MYOM1: variants seen among roughly 807,000 people sequenced by gnomAD.
MYOM1 encodes the protein myomesin-1.
A neutral mutation model predicts 205.3 loss-of-function variants in MYOM1; 164 were observed. The observed-to-expected ratio is 0.80, with a 90% CI of 0.70 to 0.91. The LOEUF is 0.91. Among genes scored for constraint, MYOM1 ranks in the 40% least tolerant of loss-of-function variants. The pLI, the probability that MYOM1 is intolerant of heterozygous loss-of-function variation, is 0.00. For missense variants in MYOM1, 2,011 were observed against 2,127.3 expected (o/e 0.95, Z 1.08); for synonymous variants, 772 against 789.4 (o/e 0.98, Z 0.37).
intron 8 of MYOM1, 30 bp downstream of exon 8, chr18:3,173,908 G>C: frequency 6.3e-7 from 1 of 1,584,122 alleles, no homozygotes; most frequent in Non-Finnish European, 8.7e-7. Flanking sequence ...ACATAGAGGT[G>C]ACACTTAGTA....
chr18:3,152,844 T>C lies in MYOM1; in HGVS notation c.1644-951A>G, dbSNP rs1567937136. 1.3e-5 allele frequency among the ~76,000 whole-genome samples: 2 copies of C among 152,156 alleles called. No homozygotes were observed. The highest frequency in any genetic ancestry group is 2.9e-5 in the Non-Finnish European group (2 of 68,030). On this transcript the variant is annotated intron_variant, in intron 11 of 37. Transcript: ENST00000356443. This position sits in a 1 kb window ranked among gnomAD's most constrained non-coding sequence, Gnocchi z 4.3. ...GGTGTGGGGGGTGTATCTCCCCTCC[T>C]CACAATCACCTTCCTCTCTTTGATA...
At chr18:3,195,246 A>C (rs2080978855) in intron 2 of MYOM1, among the ~76,000 whole-genome samples, 1 of 152,236 alleles carries the variant, frequency 6.6e-6, no homozygotes, top group Non-Finnish European at 1.5e-5. Context: ...GAAATGGCCA[A>C]ACTCTTCCTT....
At chr18:3,229,582 T>TATA in the MYOM1 span, among the ~76,000 whole-genome samples, 1 of 152,244 alleles carries the variant, frequency 6.6e-6, no homozygotes, top group African/African-American at 2.4e-5. Context: ...TAGGCTAATG[T>TATA]ATAATGTCAT....
At chr18:3,221,085 G>A (rs2081325006), upstream of MYOM1, among the ~76,000 whole-genome samples, 1 of 152,054 alleles carries the variant, frequency 6.6e-6, no homozygotes, top group Non-Finnish European at 1.5e-5. Context: ...CAGTGGTGCA[G>A]TCTTGGCTCA....
intron 22 of MYOM1, among the ~76,000 whole-genome samples, chr18:3,106,467 GC>G (rs1472553588): frequency 6.6e-6 from 1 of 152,162 alleles, no homozygotes; most frequent in Non-Finnish European, 1.5e-5. Context: ...ATGGGATCAT[GC>G]ATACTTTTTA....
intron 27 of MYOM1, among the ~76,000 whole-genome samples, chr18:3,090,354 G>T (rs967020876): frequency 6.6e-6 from 1 of 151,502 alleles, no homozygotes; most frequent in African/African-American, 2.4e-5. Flanking sequence ...CAAGTAGCTG[G>T]GACTACAGGT....
At chr18:3,201,208 G>A (rs150231519) in intron 2 of MYOM1, among the ~76,000 whole-genome samples, 304 of 152,230 alleles carry the variant, frequency 2.0e-3, no homozygotes, top group African/African-American at 6.6e-3. Context: ...AGACCAGCCT[G>A]TCCAACATGG....
At chr18:3,088,822 GA>G (rs1315225109) in intron 29 of MYOM1, among the ~76,000 whole-genome samples, 1 of 152,146 alleles carries the variant, frequency 6.6e-6, no homozygotes, top group Non-Finnish European at 1.5e-5. Context: ...CAAGGTCCAC[GA>G]AACATTGCAG....
At chr18:3,118,838 T>C (rs554936720) in intron 20 of MYOM1, among the ~76,000 whole-genome samples, 7 of 152,260 alleles carry the variant, frequency 4.6e-5, no homozygotes, top group African/African-American at 1.7e-4. Context: ...CTCTCTCTAT[T>C]TGCTGAAGTC....
chr18:3,157,861 C>G (rs1007508806), intron 10 of MYOM1, among the ~76,000 whole-genome samples: 1 of 151,828 alleles, frequency 6.6e-6, no homozygotes, highest in Non-Finnish European at 1.5e-5. Flanking sequence ...CCACAGCACC[C>G]TTCAGACAAC....
rs1372138865 is a variant in MYOM1 at position 3,090,812 on chromosome 18, G to A, written c.3865-10C>T. The stretch of plus-strand genomic sequence containing the variant: ...TATGCATTTTATATTTCTTCAGTGT[G>A]AAAAGAAAATGACAGAGAAATCACT... On this transcript the variant is annotated splice_polypyrimidine_tract_variant and intron_variant, in intron 26 of 37. Coordinates refer to ENST00000356443, the MANE Select transcript of MYOM1 (RefSeq NM_003803.4). 1 of 1,613,454 alleles carries A rather than the reference G, an allele frequency of 6.2e-7. No homozygotes were observed. Among genetic ancestry groups the A allele is most frequent in the Admixed American group, 1.7e-5 (1 of 59,952 alleles).
At chr18:3,113,088 T>C (rs1238480409) in intron 21 of MYOM1, among the ~76,000 whole-genome samples, 2 of 151,786 alleles carry the variant, frequency 1.3e-5, no homozygotes, top group Non-Finnish European at 2.9e-5. Context: ...GAGAATCCAC[T>C]ACATATGTGC....
rs1222103766 is a variant in MYOM1, at chr18:3,179,740, G to A, written c.930-3606C>T. On this transcript the variant is annotated intron_variant, in intron 5 of 37. Coordinates refer to ENST00000356443, the MANE Select transcript of MYOM1 (RefSeq NM_003803.4). The surrounding 1 kb of genome is among the most constrained non-coding windows in gnomAD (Gnocchi z 4.4). ...CCACTTCTAATCTCCCGCATTCCCCGTTTAGATGAAGTACAGGGTAGAACA... is the reference window on the plus strand; with the variant it reads ...CCACTTCTAATCTCCCGCATTCCCCATTTAGATGAAGTACAGGGTAGAACA... Among the ~76,000 whole-genome samples, 12 of 152,170 alleles carry A rather than the reference G, an allele frequency of 7.9e-5. No individual in the cohort carries two copies.
chr18:3,088,046 C>T (rs8098791), intron 29 of MYOM1, among the ~76,000 whole-genome samples: 31,420 of 152,080 alleles, frequency 0.21, 3,413 homozygotes, highest in South Asian at 0.25. Flanking sequence ...GAAAGAACGT[C>T]ATTCCAGGCA....
chr18:3,178,661 G>A (rs1294624268), intron 5 of MYOM1, among the ~76,000 whole-genome samples: 1 of 152,048 alleles, frequency 6.6e-6, no homozygotes, highest in African/African-American at 2.4e-5. Context: ...AACAGAACCC[G>A]AACTCATCCT....
intron 2 of MYOM1, among the ~76,000 whole-genome samples, chr18:3,214,696 G>C (rs549076620): frequency 6.6e-6 from 1 of 152,148 alleles, no homozygotes; most frequent in African/African-American, 2.4e-5. Context: ...GGTGGTGCAC[G>C]CCTGTAATCC....
intron 16 of MYOM1, among the ~76,000 whole-genome samples, chr18:3,132,327 A>G (rs2079890442): frequency 6.6e-6 from 1 of 151,380 alleles, no homozygotes; most frequent in Non-Finnish European, 1.5e-5. Flanking sequence ...ATTTTTTTGT[A>G]TTTTTACTAG....
chr18:3,195,231 G>T (rs114771962), intron 2 of MYOM1, among the ~76,000 whole-genome samples: 1 of 152,212 alleles, frequency 6.6e-6, no homozygotes, highest in Admixed American at 6.5e-5. Flanking sequence ...CAGGGAGGTC[G>T]CATGGAAATG....
chr18:3,069,855 A>G (rs1215105847), intron 37 of MYOM1, among the ~76,000 whole-genome samples: 2 of 152,208 alleles, frequency 1.3e-5, no homozygotes, highest in African/African-American at 4.8e-5. Context: ...TACGACCTAG[A>G]GAGTTGTATA....
Sources: allele counts gnomAD v4.1 joint callset (sites outside exome capture counted in the v4.1 genomes callset), GRCh38; gene constraint gnomAD v4.1.1; non-coding constraint Gnocchi (gnomAD v3.1); transcripts MANE v1.5; gene names NCBI Gene and HGNC (gene_info 2026-07-23, HGNC 2026-07-21).